Variants in DLC1 observed in about 807,000 individuals in gnomAD.
DLC1 encodes rho GTPase-activating protein 7.
DLC1 carries 54 observed loss-of-function variants against 140.3 expected under a neutral mutation model. The observed-to-expected ratio is 0.38, with a 90% CI of 0.31 to 0.48. DLC1 has a LOEUF of 0.48. DLC1 is among the 20% of genes least tolerant of loss of function. The pLI is 0.96. For missense variants in DLC1, 2,536 were observed against 1,907.0 expected (o/e 1.33, Z -6.14); for synonymous variants, 986 against 728.1 (o/e 1.35, Z -5.70).
In DLC1 at chr8:13,359,020, G is replaced by C. The variant is rs536947445; in HGVS notation, c.1314+34533C>G. Among the ~76,000 whole-genome samples the C allele has an allele frequency of 1.5e-3, 228 of 152,228 alleles. 1 individual carries two copies. Among genetic ancestry groups the C allele is most frequent in the Non-Finnish European group, 2.7e-3 (186 of 68,020 alleles). On this transcript the variant is annotated intron_variant, in intron 4 of 17. Coordinates refer to ENST00000276297, the MANE Select transcript of DLC1 (RefSeq NM_182643.3). ...GTGGCGCGATCTAGGCTCACTGCAAGCTCCGCGTCCCGGGTTCACGCCATT... is the reference window on the plus strand; with the variant it reads ...GTGGCGCGATCTAGGCTCACTGCAACCTCCGCGTCCCGGGTTCACGCCATT...
chr8:13,407,888 C>A (rs781564372), intron 2 of DLC1, among the ~76,000 whole-genome samples: 1 of 152,190 alleles, frequency 6.6e-6, no homozygotes, highest in Non-Finnish European at 1.5e-5. Context: ...GTGTAAAAAT[C>A]TCATATTAGC....
intron 1 of DLC1, among the ~76,000 whole-genome samples, chr8:13,502,325 C>A (rs1290957430): frequency 6.6e-6 from 1 of 152,138 alleles, no homozygotes; most frequent in African/African-American, 2.4e-5. Context: ...GTGCTTTCAA[C>A]ATTTCCAAAT....
chr8:13,567,611 C>T (rs750000002), intron 1 of DLC1: 21 of 1,551,544 alleles, frequency 1.4e-5, no homozygotes, highest in South Asian at 7.1e-5. Context: ...AGGAAAAGAG[C>T]GGAGCTGGCC....
chr8:13,479,844 G>GGAAAAGAAAGAAAGAA lies in DLC1; in HGVS notation c.1023+19204_1023+19205insTTCTTTCTTTCTTTTC, dbSNP rs1800619832. Among the ~76,000 whole-genome samples the GGAAAAGAAAGAAAGAA allele has an allele frequency of 9.9e-4, 15 of 15,222 alleles. 1 individual carries two copies. Among genetic ancestry groups the GGAAAAGAAAGAAAGAA allele is most frequent in the Non-Finnish European group, 1.3e-3 (5 of 3,724 alleles). The allele number at this position is 15,222 out of a possible 152,430, so 10.0% of individuals were successfully genotyped here. On this transcript the variant is annotated intron_variant, in intron 2 of 17. Transcript: ENST00000276297. Reference sequence around the variant, plus strand: ...AGAAGAAGAAGAAGAAGAAGAAGAAGAAGAAGAAGAAGAAGAGAAAAAGAA... The same window carrying GGAAAAGAAAGAAAGAA: ...AGAAGAAGAAGAAGAAGAAGAAGAAGGAAAAGAAAGAAAGAAAAGAAGAAGAAGAAGAGAAAAAGAA...
chr8:13,354,982 A>G (rs73566465), intron 4 of DLC1, among the ~76,000 whole-genome samples: 1,709 of 151,990 alleles, frequency 0.011, 31 homozygotes, highest in African/African-American at 0.039. Context: ...AAAGGAAGAA[A>G]AAAGTTTAAA....
At chr8:13,493,866 GGAAA>G (rs1272241473) in intron 2 of DLC1, among the ~76,000 whole-genome samples, 1 of 152,044 alleles carries the variant, frequency 6.6e-6, no homozygotes, top group East Asian at 1.9e-4. Flanking sequence ...GGGATAGAAA[GGAAA>G]GAGAGTATCA....
intron 1 of DLC1, among the ~76,000 whole-genome samples, chr8:13,541,585 T>C (rs1162714781): frequency 6.6e-6 from 1 of 152,198 alleles, no homozygotes; most frequent in Non-Finnish European, 1.5e-5. Flanking sequence ...GGTCTCACTC[T>C]GTCGCCAAGG....
At chr8:13,337,533 A>T (rs1366130773) in intron 4 of DLC1, among the ~76,000 whole-genome samples, 3 of 152,202 alleles carry the variant, frequency 2.0e-5, no homozygotes, top group African/African-American at 7.2e-5. Context: ...TTGTAAATAG[A>T]TGGAAAAATT....
chr8:13,282,900 CA>C (rs1831413740), intron 5 of DLC1, among the ~76,000 whole-genome samples: 1 of 152,070 alleles, frequency 6.6e-6, no homozygotes, highest in African/African-American at 2.4e-5. Context: ...AGGAAAAACC[CA>C]AAAAACTCAC....
intron 2 of DLC1, among the ~76,000 whole-genome samples, chr8:13,430,884 A>ATG (rs1198441904): frequency 1.3e-5 from 2 of 152,238 alleles, no homozygotes; most frequent in Non-Finnish European, 2.9e-5. Context: ...TGAGGCAGAA[A>ATG]TATATTCACA....
chr8:13,202,249 A>G (rs1192522805), intron 5 of DLC1, among the ~76,000 whole-genome samples: 2 of 151,990 alleles, frequency 1.3e-5, no homozygotes, highest in Non-Finnish European at 2.9e-5. Flanking sequence ...AGGCCTCAAT[A>G]GGGTATTTTT....
chr8:13,285,950 G>T (rs1174844234), intron 5 of DLC1, among the ~76,000 whole-genome samples: 1 of 152,172 alleles, frequency 6.6e-6, no homozygotes. Context: ...CTTGGTACAT[G>T]AGAGAATTTT....
chr8:13,597,116 T>G (rs1805707346), intron 1 of DLC1, among the ~76,000 whole-genome samples: 1 of 152,022 alleles, frequency 6.6e-6, no homozygotes, highest in Admixed American at 6.6e-5. Context: ...TGGCCATATA[T>G]TTAATGCTAT....
rs555393514 is a variant in DLC1, at chr8:13,131,716, A to C, written c.1349-16059T>G. Among the ~76,000 whole-genome samples, 9 of 152,322 alleles carry C rather than the reference A, an allele frequency of 5.9e-5. 1 individual carries two copies. The South Asian group carries it at 1.7e-3, about 28-fold the overall frequency. ...TTGCATGAGCTCATTTGATCCTCAC[A>C]ACCTCCCCGCGCGGAGGTAATACAG... On this transcript the variant is annotated intron_variant, in intron 5 of 17. Transcript: ENST00000276297.
intron 1 of DLC1, among the ~76,000 whole-genome samples, chr8:13,579,489 ATATAT>A (rs1563454297): frequency 1.5e-4 from 12 of 79,260 alleles, no homozygotes; most frequent in Non-Finnish European, 1.9e-4. Flanking sequence ...TATATATTTA[ATATAT>A]TATATTTTAT....
chr8:13,560,427 C>T (rs1469888332), intron 1 of DLC1, among the ~76,000 whole-genome samples: 1 of 151,382 alleles, frequency 6.6e-6, no homozygotes, highest in African/African-American at 2.4e-5. Flanking sequence ...CTCACAAGGC[C>T]CCCACAGATG....
chr8:13,090,758 G>A (rs925101245), intron 14 of DLC1, among the ~76,000 whole-genome samples: 12 of 151,904 alleles, frequency 7.9e-5, no homozygotes, highest in African/African-American at 2.9e-4. Context: ...ATACGGAAGT[G>A]GATACAGCAG....
rs770037388 is a variant in DLC1 at position 13,189,608 on chromosome 8, C to T, written c.1349-73951G>A. Among the ~76,000 whole-genome samples, 6 of 149,592 alleles carry T rather than the reference C, an allele frequency of 4.0e-5. No homozygotes were observed. The South Asian group carries it at 6.4e-4, about 16-fold the overall frequency. ...GAGAAAAGAAGGCACTCTGGCAGGGCGCTGTGTCTCATGCCTGTAATCCCA... is the reference window on the plus strand; with the variant it reads ...GAGAAAAGAAGGCACTCTGGCAGGGTGCTGTGTCTCATGCCTGTAATCCCA... On this transcript the variant is annotated intron_variant, in intron 5 of 17. Transcript: ENST00000276297.
Position 13,085,122 on chromosome 8 carries a change from G to A in DLC1, c.*689C>T, listed in dbSNP as rs1354222246. The A allele has an allele frequency of 2.0e-5, 3 of 152,130 alleles. No homozygotes were observed. The highest frequency in any genetic ancestry group is 2.9e-5 in the Non-Finnish European group (2 of 68,034). 9.4% of individuals were successfully genotyped at this position (152,130 alleles called of 1,614,324 possible). On this transcript the variant is annotated 3_prime_UTR_variant, in exon 18 of 18. Coordinates refer to ENST00000276297, the MANE Select transcript of DLC1 (RefSeq NM_182643.3). ...TAAGAGCCAACCTATTACAATCAAA[G>A]TACAGAAGAGGTTCGTGGAAAAGGA...
Sources: allele counts gnomAD v4.1 joint callset (sites outside exome capture counted in the v4.1 genomes callset), GRCh38; gene constraint gnomAD v4.1.1; transcripts MANE v1.5; gene names NCBI Gene and HGNC (gene_info 2026-07-23, HGNC 2026-07-21).